The following CACTIN variants were observed in gnomAD, a reference collection of about 807,000 sequenced individuals.
CACTIN encodes cactin, spliceosome C complex subunit.
In CACTIN, 20 loss-of-function variants were observed where a neutral mutation model predicts 84.9. The ratio of observed to expected loss-of-function variants is 0.24; its 90% confidence interval spans 0.17 to 0.34. The LOEUF (loss-of-function observed/expected upper bound fraction) is 0.34, where lower values mean the gene tolerates loss of function less well. Among genes scored for constraint, CACTIN ranks in the 10% least tolerant of loss-of-function variants. CACTIN has a pLI of 1.00. For missense variants in CACTIN, 897 were observed against 1,117.2 expected, an observed-to-expected ratio of 0.80 and a Z score of 2.81; for synonymous variants, 549 against 467.9, an observed-to-expected ratio of 1.17 and a Z score of -2.24.
chr19:3,624,495 G>A (rs1004080293), intron 1 of CACTIN, among the ~76,000 whole-genome samples: 3 of 152,188 alleles, frequency 2.0e-5, no homozygotes, highest in Non-Finnish European at 4.4e-5. Flanking sequence ...AGGGAGTGGG[G>A]AGGCAGCGAT....
At chr19:3,614,353 C>A in intron 7 of CACTIN, 44 bp downstream of exon 7, 4 of 1,540,966 alleles carry the variant, frequency 2.6e-6, no homozygotes, top group Non-Finnish European at 3.5e-6. Context: ...GAAACCCATC[C>A]CACCCGGACG....
intron 4 of CACTIN, among the ~76,000 whole-genome samples, chr19:3,619,473 C>T (rs1252333035): frequency 3.9e-5 from 6 of 152,184 alleles, no homozygotes; most frequent in South Asian, 2.1e-4. Flanking sequence ...AGCGTGGACC[C>T]GGAGGTGGGC....
chr19:3,611,609 G>A lies in CACTIN; in HGVS notation c.*314C>T, dbSNP rs997019849. The A allele has an allele frequency of 4.1e-5, 17 of 414,444 alleles. No individual in the cohort carries two copies. The highest frequency in any genetic ancestry group is 2.3e-4 in the African/African-American group (11 of 48,874). 25.7% of individuals were successfully genotyped at this position (414,444 alleles called of 1,614,324 possible). A position where few individuals can be genotyped will look rare whatever the true frequency, so the allele number is the denominator to read the frequency against. ...GGCTGAGGGGCGGTGGAGAGTGTCC[G>A]CCTGGACGGTGAGGTCAGCTGGCGG... On this transcript the variant is annotated 3_prime_UTR_variant, in exon 10 of 10. Coordinates refer to ENST00000429344, the MANE Select transcript of CACTIN (RefSeq NM_001080543.2).
At chr19:3,622,126 G>A (rs973840663) in intron 2 of CACTIN, among the ~76,000 whole-genome samples, 3 of 152,144 alleles carry the variant, frequency 2.0e-5, no homozygotes, top group East Asian at 1.9e-4. Flanking sequence ...AGCATATTGG[G>A]AGGCCAAGGC....
rs2032925616 is a variant in CACTIN, at chr19:3,610,696, C to G, written c.*1227G>C. 6.6e-6 allele frequency: 3 copies of G among 456,372 alleles called. No individual in the cohort carries two copies. The highest frequency in any genetic ancestry group is 8.8e-6 in the Non-Finnish European group (2 of 226,934). The allele number at this position is 456,372 out of a possible 1,614,324, so 28.3% of individuals were successfully genotyped here. On this transcript the variant is annotated 3_prime_UTR_variant, in exon 10 of 10. Coordinates refer to ENST00000429344, the MANE Select transcript of CACTIN (RefSeq NM_001080543.2). ...AAAAACATGCGATCTTGCCAATAGG[C>G]CAATTCCATGAGAACAAAAGATTTT...
At position 3,611,697 on chromosome 19, in the gene CACTIN, A is replaced by T; in HGVS notation, c.*226T>A. The T allele has an allele frequency of 1.6e-6, 1 of 625,434 alleles. No homozygotes were observed. Among genetic ancestry groups the T allele is most frequent in the South Asian group, 1.8e-5 (1 of 54,900 alleles). 38.7% of individuals were successfully genotyped at this position (625,434 alleles called of 1,614,324 possible). A position where few individuals can be genotyped will look rare whatever the true frequency, so the allele number is the denominator to read the frequency against. Reference sequence around the variant, plus strand: ...GCCCCCTCCGTTGCATCAGGACCCTAGGCCAGCCTGTCCCAGTGTCTCCTC... The same window carrying T: ...GCCCCCTCCGTTGCATCAGGACCCTTGGCCAGCCTGTCCCAGTGTCTCCTC... On this transcript the variant is annotated 3_prime_UTR_variant, in exon 10 of 10. Coordinates refer to ENST00000429344, the MANE Select transcript of CACTIN (RefSeq NM_001080543.2).
In CACTIN at chr19:3,610,817, G is replaced by A. The variant is rs761881290; in HGVS notation, c.*1106C>T. ...GGGCTGTGGGTGGTCTGGGGCTGGT[G>A]ACTGGTGAGGTTGGGTGGCCCTCTG... On this transcript the variant is annotated 3_prime_UTR_variant, in exon 10 of 10. Transcript: ENST00000429344. 455 of 456,864 alleles carry A rather than the reference G, an allele frequency of 1.0e-3. 2 individuals are homozygous for A. The highest frequency in any genetic ancestry group is 5.5e-3 in the Middle Eastern group (17 of 3,078). The allele number at this position is 456,864 out of a possible 1,614,324, so 28.3% of individuals were successfully genotyped here.
At position 3,610,938 on chromosome 19, in the gene CACTIN, C is replaced by T. The variant is rs751746396; in HGVS notation, c.*985G>A. On this transcript the variant is annotated 3_prime_UTR_variant, in exon 10 of 10. Coordinates refer to ENST00000429344, the MANE Select transcript of CACTIN (RefSeq NM_001080543.2). ...GCCGGCTGGGCCACTCCGACCTGGG[C>T]TGTGGCACCCGTGTGGCCCTCGGCC... is the stretch of plus-strand genomic sequence containing the variant. 15 of 456,768 alleles carry T rather than the reference C, an allele frequency of 3.3e-5. No individual in the cohort carries two copies. In the East Asian group the frequency reaches 4.2e-4, roughly 13 times the overall value. 28.3% of individuals were successfully genotyped at this position (456,768 alleles called of 1,614,324 possible). A position where few individuals can be genotyped will look rare whatever the true frequency, so the allele number is the denominator to read the frequency against.
At chr19:3,626,445 T>G in intron 1 of CACTIN, 151 bp downstream of exon 1, 2 of 957,228 alleles carry the variant, frequency 2.1e-6, no homozygotes, top group South Asian at 2.5e-5. Context: ...GCTGCCAGGT[T>G]AATTCCAACC....
Position 3,623,721 on chromosome 19 carries a change from G to T in CACTIN, c.609C>A (p.Asp203Glu). The part of the protein sequence containing the change: ...GYTNTDNPFG[D>E]NNLLGTFIWN... The stretch of plus-strand genomic sequence containing the variant: ...AGATGAAGGTGCCCAGCAGGTTGTT[G>T]TCTCCGAAGGGGTTGTCGGTGTTGG... Residue 203 changes from aspartate (D) to glutamate (E), a missense_variant, in exon 2 of 10, where the codon GAC (aspartate) becomes GAA (glutamate). Asp to Glu is a conservative substitution (Grantham distance 45). This residue lies in a region of CACTIN where 304 missense variants were observed against 444.3 expected (regional missense o/e 0.68). Transcript: ENST00000429344. 6.2e-7 allele frequency: 1 copy of T among 1,612,570 alleles called. No individual in the cohort carries two copies. Among genetic ancestry groups the T allele is most frequent in the Non-Finnish European group, 8.5e-7 (1 of 1,178,970 alleles).
At chr19:3,618,814 T>G in intron 6 of CACTIN, 61 bp downstream of exon 6, 1 of 1,323,706 alleles carries the variant, frequency 7.6e-7, no homozygotes, top group Non-Finnish European at 1.0e-6. Flanking sequence ...GTCTGAGGCT[T>G]CTGGGTGAAC....
Position 3,624,048 on chromosome 19 carries a change from C to A in CACTIN, c.282G>T (p.Gln94His), listed in dbSNP as rs570125841. The change falls in exon 2 of 10, where the codon CAG (glutamine) becomes CAT (histidine). Residue 94 changes from glutamine (Q) to histidine (H), a missense_variant. Transcript: ENST00000429344. ...GCCGGCGAGCCCACTGGCCCCGTGACTGCTCCTCTCCTGAGTCCGACTGAG... is the reference window on the plus strand; with the variant it reads ...GCCGGCGAGCCCACTGGCCCCGTGAATGCTCCTCTCCTGAGTCCGACTGAG... ...GSSQSDSGEE[Q>H]SRGQWARRRR... 3.1e-6 allele frequency: 5 copies of A among 1,605,076 alleles called. No individual in the cohort carries two copies. In the South Asian group the frequency reaches 4.4e-5, roughly 14 times the overall value.
chr19:3,610,811 G>C lies in CACTIN; in HGVS notation c.*1112C>G, dbSNP rs745560965. On this transcript the variant is annotated 3_prime_UTR_variant, in exon 10 of 10. Transcript: ENST00000429344. Reference sequence around the variant, plus strand: ...TGGGAGGGGCTGTGGGTGGTCTGGGGCTGGTGACTGGTGAGGTTGGGTGGC... The same window carrying C: ...TGGGAGGGGCTGTGGGTGGTCTGGGCCTGGTGACTGGTGAGGTTGGGTGGC... 2.2e-6 allele frequency: 1 copy of C among 456,828 alleles called. No individual in the cohort carries two copies. Among genetic ancestry groups the C allele is most frequent in the Admixed American group, 2.3e-5 (1 of 42,582 alleles). The allele number at this position is 456,828 out of a possible 1,614,324, so 28.3% of individuals were successfully genotyped here.
In CACTIN at chr19:3,619,135, G is replaced by A; in HGVS notation, c.992C>T (p.Thr331Met). 1.2e-6 allele frequency: 2 copies of A among 1,602,380 alleles called. No individual in the cohort carries two copies. Among genetic ancestry groups the A allele is most frequent in the Non-Finnish European group, 8.5e-7 (1 of 1,175,058 alleles). Residue 331 changes from threonine (T) to methionine (M), a missense_variant, in exon 5 of 10, where the codon ACG becomes ATG. By Grantham distance (81) the Thr-to-Met change is moderately conservative. Coordinates refer to ENST00000429344, the MANE Select transcript of CACTIN (RefSeq NM_001080543.2). ...GGCCACGGTGAGGCCGTTGAGGAAC[G>A]TGTAGGGCTCATGCATCTCCACGGC... The part of the protein sequence containing the change: ...DLAVEMHEPY[T>M]FLNGLTVADM...
In CACTIN at chr19:3,624,976, G is replaced by A. The variant is rs554173901; in HGVS notation, c.168-814C>T. Among the ~76,000 whole-genome samples, 285 of 152,188 alleles carry A rather than the reference G, an allele frequency of 1.9e-3. 4 individuals carry two copies. The highest frequency in any genetic ancestry group is 6.7e-3 in the African/African-American group (280 of 41,496). Reference sequence around the variant, plus strand: ...CATGATCAGAGCTCACTGCAGCCTTGACCTCCTGGGCTCAAGCCATCCTCT... The same window carrying A: ...CATGATCAGAGCTCACTGCAGCCTTAACCTCCTGGGCTCAAGCCATCCTCT... On this transcript the variant is annotated intron_variant, in intron 1 of 9. Coordinates refer to ENST00000429344, the MANE Select transcript of CACTIN (RefSeq NM_001080543.2).
chr19:3,625,469 C>T (rs909929897), intron 1 of CACTIN, among the ~76,000 whole-genome samples: 5 of 152,318 alleles, frequency 3.3e-5, no homozygotes, highest in African/African-American at 1.2e-4. Context: ...GTGGCTCACG[C>T]CTGTAATCCC....
Position 3,619,130 on chromosome 19 carries a change from G to C in CACTIN, c.997C>G (p.Leu333Val). The change falls in exon 5 of 10, where the codon CTC becomes GTC. Residue 333 changes from leucine to valine, a missense_variant. Transcript: ENST00000429344. ...AVEMHEPYTF[L>V]NGLTVADMED... ...ATGTCGGCCACGGTGAGGCCGTTGA[G>C]GAACGTGTAGGGCTCATGCATCTCC... The C allele has an allele frequency of 1.9e-6, 3 of 1,599,224 alleles. No homozygotes were observed. The highest frequency in any genetic ancestry group is 2.6e-6 in the Non-Finnish European group (3 of 1,173,612).
rs191160617 is a variant in CACTIN, at chr19:3,623,675, C to T, written c.642+13G>A. 5.9e-5 allele frequency: 94 copies of T among 1,583,258 alleles called. 1 individual carries two copies. Among genetic ancestry groups the T allele is most frequent in the South Asian group, 2.3e-4 (20 of 87,550 alleles). ...TGCTACAGGGACAGAGGCCACCACC[C>T]GGCGGGGCCCACCTTATTCCAGATG... is the stretch of plus-strand genomic sequence containing the variant. On this transcript the variant is annotated intron_variant, in intron 2 of 9. Coordinates refer to ENST00000429344, the MANE Select transcript of CACTIN (RefSeq NM_001080543.2).
chr19:3,620,437 C>A (rs1196980563), intron 3 of CACTIN, 165 bp from the exon 4 acceptor site: 1 of 847,644 alleles, frequency 1.2e-6, no homozygotes, highest in East Asian at 2.7e-5. Context: ...GGGAGAGGGC[C>A]CTCCTGCCCG....
Sources: gnomAD v4.1 joint callset for allele counts (sites outside exome capture counted in the v4.1 genomes callset) on GRCh38, gnomAD v4.1.1 for gene constraint, gnomAD v4.1.1 regional missense constraint, MANE v1.5 for transcripts, NCBI Gene and HGNC (gene_info 2026-07-23, HGNC 2026-07-21) for gene names.